The following RBM33 variants were observed in gnomAD, a reference collection of about 807,000 sequenced individuals.
RBM33 encodes RNA-binding protein 33.
In RBM33, 28 loss-of-function variants were observed where a neutral mutation model predicts 132.6. The observed-to-expected ratio is 0.21, with a 90% CI of 0.16 to 0.29. RBM33 has a LOEUF of 0.29. Ranked by LOEUF, RBM33 falls within the 10% of genes least tolerant of loss-of-function variation. RBM33 has a pLI of 1.00. For synonymous variants in RBM33, 634 were observed against 593.0 expected, an observed-to-expected ratio of 1.07 and a Z score of -1.01; for missense variants, 1,291 against 1,518.5, an observed-to-expected ratio of 0.85 and a Z score of 2.49.
chr7:155,746,107 A>C (rs1020258332), intron 14 of RBM33, among the ~76,000 whole-genome samples: 5 of 152,244 alleles, frequency 3.3e-5, no homozygotes, highest in Non-Finnish European at 7.3e-5. Context: ...TTGAGTCTTA[A>C]TGAAAGGCCA....
At chr7:155,709,876 G>C (rs1800227698) in intron 7 of RBM33, among the ~76,000 whole-genome samples, 1 of 152,186 alleles carries the variant, frequency 6.6e-6, no homozygotes, top group Non-Finnish European at 1.5e-5. Flanking sequence ...AGGAAGGATA[G>C]GTGGGCCAAA....
chr7:155,671,252 A>G (rs1798935659), intron 2 of RBM33, among the ~76,000 whole-genome samples: 1 of 152,224 alleles, frequency 6.6e-6, no homozygotes, highest in Admixed American at 6.5e-5. Flanking sequence ...TGGTTTTAAA[A>G]TGTTGGAAGA....
Position 155,745,856 on chromosome 7 carries a change from C to G in RBM33, c.2979+254C>G, listed in dbSNP as rs1357384803. 4 of 499,676 alleles carry G rather than the reference C, an allele frequency of 8.0e-6. No individual in the cohort carries two copies. Among genetic ancestry groups the G allele is most frequent in the African/African-American group, 7.7e-5 (4 of 52,056 alleles). The allele number at this position is 499,676 out of a possible 1,614,324, so 31.0% of individuals were successfully genotyped here. A position where few individuals can be genotyped will look rare whatever the true frequency, so the allele number is the denominator to read the frequency against. ...GTACTTCCATACACAGACGGTACAGCCTGCTGCACACCTAGGCTATATGGT... is the reference window on the plus strand; with the variant it reads ...GTACTTCCATACACAGACGGTACAGGCTGCTGCACACCTAGGCTATATGGT... On this transcript the variant is annotated intron_variant, in intron 14 of 17. Coordinates refer to ENST00000401878, the MANE Select transcript of RBM33 (RefSeq NM_053043.3). This position sits in a 1 kb window ranked among gnomAD's most constrained non-coding sequence, Gnocchi z 4.1.
chr7:155,697,363 T>G (rs990029744), intron 5 of RBM33, among the ~76,000 whole-genome samples: 6 of 151,852 alleles, frequency 4.0e-5, no homozygotes, highest in African/African-American at 1.5e-4. Flanking sequence ...ATTTTGTTTC[T>G]GTATTAATGA....
Position 155,680,790 on chromosome 7 carries a change from G to A in RBM33, c.449G>A (p.Gly150Asp), listed in dbSNP as rs773636904. Residue 150 changes from glycine to aspartate, a missense_variant, in exon 5 of 18, where the codon GGC becomes GAC. Physicochemically the swap from Gly to Asp is moderately conservative, Grantham distance 94 (BLOSUM62 -1). Transcript: ENST00000401878. ...TACCCAGAAGAAGGACAGTATGAAG[G>A]CCACGAAGCTGAGTTGACAGAAGAC... The part of the protein sequence containing the change: ...QEYPEEGQYE[G>D]HEAELTEDQI... The A allele has an allele frequency of 4.3e-6, 7 of 1,613,674 alleles. No homozygotes were observed. The Admixed American group carries it at 5.0e-5, about 12-fold the overall frequency.
In RBM33 at chr7:155,646,556, C is replaced by G. The variant is rs6951564; in HGVS notation, c.43+1637C>G. The stretch of plus-strand genomic sequence containing the variant: ...CATGTTGTGTGATTGCTTCCTTTAT[C>G]CTGGAAGTTCATCGCATGGACTGCT... On this transcript the variant is annotated intron_variant, in intron 1 of 17. Transcript: ENST00000401878. 7.0e-3 allele frequency among the ~76,000 whole-genome samples: 1,063 copies of G among 152,308 alleles called. 17 individuals are homozygous for G. Among genetic ancestry groups the G allele is most frequent in the African/African-American group, 0.024 (999 of 41,558 alleles).
chr7:155,660,987 G>A (rs985327814), intron 1 of RBM33, among the ~76,000 whole-genome samples: 1 of 151,652 alleles, frequency 6.6e-6, no homozygotes, highest in Non-Finnish European at 1.5e-5. Context: ...AGTTTACTAA[G>A]TCTGCTAGTT....
At chr7:155,655,380 A>G (rs776115490) in intron 1 of RBM33, among the ~76,000 whole-genome samples, 6 of 151,788 alleles carry the variant, frequency 4.0e-5, no homozygotes, top group Non-Finnish European at 7.4e-5. Context: ...ACTTTTTCCT[A>G]TTAATAAAAC....
At chr7:155,731,111 G>C in intron 9 of RBM33, among the ~76,000 whole-genome samples, 1 of 152,190 alleles carries the variant, frequency 6.6e-6, no homozygotes, top group Admixed American at 6.5e-5. Flanking sequence ...TCGAACCTTG[G>C]TTGACTCTCC....
At chr7:155,734,900 A>ATTT (rs34583218) in intron 9 of RBM33, among the ~76,000 whole-genome samples, 2 of 151,852 alleles carry the variant, frequency 1.3e-5, no homozygotes, top group African/African-American at 2.4e-5. Flanking sequence ...TCATTTAAAC[A>ATTT]TTTTTTTGAA....
chr7:155,734,036 C>T (rs554906087), intron 9 of RBM33, among the ~76,000 whole-genome samples: 2 of 152,360 alleles, frequency 1.3e-5, no homozygotes, highest in African/African-American at 2.4e-5. Flanking sequence ...TCTCCGTGAC[C>T]CAGTCCTGCT....
At chr7:155,694,827 G>GT (rs1469620451) in intron 5 of RBM33, among the ~76,000 whole-genome samples, 9 of 152,020 alleles carry the variant, frequency 5.9e-5, no homozygotes, top group Admixed American at 2.0e-4. Flanking sequence ...GTTGTTTCCA[G>GT]TTTTTTTGTT....
chr7:155,702,511 C>G (rs1799995400), intron 6 of RBM33, among the ~76,000 whole-genome samples: 1 of 152,038 alleles, frequency 6.6e-6, no homozygotes. Context: ...TGGCATTGGC[C>G]TTAGGTGAAA....
Position 155,766,202 on chromosome 7 carries a change from A to T in RBM33, c.3187-265A>T, listed in dbSNP as rs1332030805. 1.3e-5 allele frequency among the ~76,000 whole-genome samples: 2 copies of T among 152,148 alleles called. 1 individual carries two copies. Among genetic ancestry groups the T allele is most frequent in the Admixed American group, 1.3e-4 (2 of 15,276 alleles). The stretch of plus-strand genomic sequence containing the variant: ...AGAATGATGATGACACAGAGTGCCC[A>T]CCGAGCACAAGCGTGTGGCCCCTGG... On this transcript the variant is annotated intron_variant, in intron 15 of 17. Coordinates refer to ENST00000401878, the MANE Select transcript of RBM33 (RefSeq NM_053043.3).
intron 3 of RBM33, among the ~76,000 whole-genome samples, chr7:155,678,273 A>T (rs1320639542): frequency 6.6e-6 from 1 of 152,228 alleles, no homozygotes; most frequent in South Asian, 2.1e-4. Context: ...CCTTAAGGAT[A>T]TCTTTCTTTT....
chr7:155,778,782 TG>T lies in RBM33; in HGVS notation c.*3742del, dbSNP rs1221259648. 3.3e-5 allele frequency: 5 copies of T among 152,570 alleles called. No homozygotes were observed. The highest frequency in any genetic ancestry group is 1.2e-4 in the African/African-American group (5 of 41,454). 9.5% of individuals were successfully genotyped at this position (152,570 alleles called of 1,614,324 possible). On this transcript the variant is annotated 3_prime_UTR_variant, in exon 18 of 18. Coordinates refer to ENST00000401878, the MANE Select transcript of RBM33 (RefSeq NM_053043.3). This position sits in a 1 kb window ranked among gnomAD's most constrained non-coding sequence, Gnocchi z 4.0. ...TTGTTTTGTTCTGTTTGTTTTGTTT[TG>T]TATTTCTTTGTTATTTTATTGGGAA...
rs369162938 is a variant in RBM33 at position 155,740,003 on chromosome 7, C to A, written c.2026C>A (p.Pro676Thr). 239 of 1,557,948 alleles carry A rather than the reference C, an allele frequency of 1.5e-4. No homozygotes were observed. The highest frequency in any genetic ancestry group is 1.7e-4 in the Non-Finnish European group (196 of 1,148,032). The change falls in exon 12 of 18, where the codon CCC (proline) becomes ACC (threonine). Residue 676 changes from proline to threonine, a missense_variant. Pro to Thr is a conservative substitution (Grantham distance 38). This residue lies in a region of RBM33 where 841 missense variants were observed against 912.0 expected (regional missense o/e 0.92). Transcript: ENST00000401878. The stretch of plus-strand genomic sequence containing the variant: ...GGCCAGCAGCAGCCGGATGCAGTGC[C>A]CCCAGCGCCAGGGGCTCCGGCATGT... ...PQASSSRMQC[P>T]QRQGLRHNTT...
At chr7:155,732,754 C>T (rs1800992701) in intron 9 of RBM33, among the ~76,000 whole-genome samples, 1 of 152,148 alleles carries the variant, frequency 6.6e-6, no homozygotes, top group Non-Finnish European at 1.5e-5. Context: ...ATGCCGAGGG[C>T]CTTGCAGGCA....
rs1414474493 is a variant in RBM33 at position 155,723,949 on chromosome 7, C to CA, written c.1260+5507dup. ...AGTAAATCTGTTACATTGACTGGGA[C>CA]ACCTTTTAAATTCTCTTCGGATATA... On this transcript the variant is annotated intron_variant, in intron 9 of 17. Coordinates refer to ENST00000401878, the MANE Select transcript of RBM33 (RefSeq NM_053043.3). Among the ~76,000 whole-genome samples the CA allele has an allele frequency of 6.6e-5, 10 of 152,228 alleles. No homozygotes were observed. The East Asian group carries it at 1.9e-3, about 29-fold the overall frequency.
Sources: allele counts gnomAD v4.1 joint callset (sites outside exome capture counted in the v4.1 genomes callset), GRCh38; gene constraint gnomAD v4.1.1; regional missense constraint gnomAD v4.1.1; non-coding constraint Gnocchi (gnomAD v3.1); transcripts MANE v1.5; gene names NCBI Gene and HGNC (gene_info 2026-07-23, HGNC 2026-07-21).